VAT1L: variants seen among roughly 807,000 people sequenced by gnomAD.
VAT1L encodes the protein putative NADPH-dependent quinone oxidoreductase VAT1L.
A neutral mutation model predicts 44.1 loss-of-function variants in VAT1L; 34 were observed. The observed-to-expected ratio is 0.77, with a 90% confidence interval of 0.59 to 1.03. The LOEUF is 1.03. VAT1L is among the 50% of genes least tolerant of loss of function. VAT1L has a pLI of 0.00. For synonymous variants in VAT1L, 253 were observed against 202.2 expected, an observed-to-expected ratio of 1.25 and a Z score of -2.13; for missense variants, 615 against 538.8, an observed-to-expected ratio of 1.14 and a Z score of -1.40.
chr16:77,935,083 C>T (rs1028740992), intron 7 of VAT1L, among the ~76,000 whole-genome samples: 5 of 152,152 alleles, frequency 3.3e-5, no homozygotes, highest in Non-Finnish European at 7.3e-5. Context: ...TCTTTTACAT[C>T]TGACCCACAA....
At chr16:77,932,352 G>A (rs1029228869) in intron 7 of VAT1L, among the ~76,000 whole-genome samples, 14 of 151,896 alleles carry the variant, frequency 9.2e-5, no homozygotes, top group South Asian at 2.1e-4. Flanking sequence ...TGATCCTCCC[G>A]CCTTGGCCTC....
At chr16:77,842,038 C>T (rs943532262) in intron 3 of VAT1L, among the ~76,000 whole-genome samples, 14 of 152,148 alleles carry the variant, frequency 9.2e-5, no homozygotes, top group African/African-American at 3.1e-4. Flanking sequence ...CAGGCACCCG[C>T]CACCACGCCT....
chr16:77,977,683 C>G lies in VAT1L; in HGVS notation c.1248C>G (p.Pro416=), dbSNP rs775009844. Residue 416 remains proline, a synonymous_variant, in exon 9 of 9, where the codon CCC becomes CCG. Coordinates refer to ENST00000302536, the MANE Select transcript of VAT1L (RefSeq NM_020927.3). The part of the protein sequence containing the change: ...EGDSENKERM[P]FIQ ...ACAGCGAGAACAAGGAGCGGATGCC[C>G]TTTATCCAGTAACTGAGGACCCAGG... The G allele has an allele frequency of 6.2e-7, 1 of 1,613,858 alleles. No homozygotes were observed. The highest frequency in any genetic ancestry group is 8.5e-7 in the Non-Finnish European group (1 of 1,179,902).
chr16:77,938,233 A>C (rs2017827866), intron 7 of VAT1L, among the ~76,000 whole-genome samples: 1 of 152,186 alleles, frequency 6.6e-6, no homozygotes, highest in African/African-American at 2.4e-5. Flanking sequence ...CACTCTTCTA[A>C]ATGTGTCTTA....
At chr16:77,909,063 T>A (rs1052631002) in intron 7 of VAT1L, among the ~76,000 whole-genome samples, 3 of 152,196 alleles carry the variant, frequency 2.0e-5, no homozygotes, top group African/African-American at 7.2e-5. Context: ...ATTGACCATG[T>A]ACTGGACACT....
At chr16:77,871,068 A>G (rs544157077) in intron 4 of VAT1L, among the ~76,000 whole-genome samples, 5 of 152,254 alleles carry the variant, frequency 3.3e-5, no homozygotes, top group East Asian at 1.9e-4. Context: ...GCACTTTTCA[A>G]TTTTGAAATT....
chr16:77,845,191 TC>T (rs1314874023), intron 3 of VAT1L, among the ~76,000 whole-genome samples: 1 of 151,726 alleles, frequency 6.6e-6, no homozygotes, highest in Non-Finnish European at 1.5e-5. Flanking sequence ...GCGCTGACAG[TC>T]CCCATTCACA....
At chr16:77,834,174 T>C (rs2016614010) in intron 3 of VAT1L, among the ~76,000 whole-genome samples, 1 of 152,192 alleles carries the variant, frequency 6.6e-6, no homozygotes, top group Admixed American at 6.5e-5. Context: ...CGGCTCTCAT[T>C]ATCTAGGCCC....
At position 77,829,911 on chromosome 16, in the gene VAT1L, G is replaced by A. The variant is rs562661935; in HGVS notation, c.579+4450G>A. Among the ~76,000 whole-genome samples the A allele has an allele frequency of 6.6e-5, 10 of 152,286 alleles. No homozygotes were observed. In the South Asian group the frequency reaches 2.1e-3, roughly 32 times the overall value. On this transcript the variant is annotated intron_variant, in intron 3 of 8. Transcript: ENST00000302536. Reference sequence around the variant, plus strand: ...ATCTGAGCAGAGATTACTATAGGCAGTAAGCAAGCATCATTCCCATTTTAC... The same window carrying A: ...ATCTGAGCAGAGATTACTATAGGCAATAAGCAAGCATCATTCCCATTTTAC...
At chr16:77,813,608 T>C (rs1469094091) in intron 1 of VAT1L, among the ~76,000 whole-genome samples, 1 of 152,234 alleles carries the variant, frequency 6.6e-6, no homozygotes, top group Non-Finnish European at 1.5e-5. Flanking sequence ...TTGCTGTTCG[T>C]GTTTTTTCTT....
intron 2 of VAT1L, among the ~76,000 whole-genome samples, chr16:77,824,907 C>T (rs1268294691): frequency 7.9e-6 from 1 of 125,920 alleles, no homozygotes; most frequent in South Asian, 2.6e-4. Flanking sequence ...TGCTTTGTTG[C>T]CCAGGCTGGA....
At chr16:77,824,113 G>A (rs2016491305) in intron 2 of VAT1L, among the ~76,000 whole-genome samples, 1 of 152,208 alleles carries the variant, frequency 6.6e-6, no homozygotes. Flanking sequence ...TTGGCTATGG[G>A]GACTACATTT....
intron 7 of VAT1L, among the ~76,000 whole-genome samples, chr16:77,898,580 G>T (rs1005804233): frequency 1.1e-4 from 16 of 150,586 alleles, no homozygotes; most frequent in Non-Finnish European, 1.0e-4. Context: ...TCCTCTGTGG[G>T]GTTGCTGTGA....
intron 7 of VAT1L, among the ~76,000 whole-genome samples, chr16:77,949,515 T>C (rs995593641): frequency 6.6e-6 from 1 of 152,206 alleles, no homozygotes; most frequent in East Asian, 1.9e-4. Flanking sequence ...GTTTGGGTCA[T>C]AGGAGTGGAT....
intron 7 of VAT1L, among the ~76,000 whole-genome samples, chr16:77,899,246 C>T (rs2017356091): frequency 1.3e-5 from 2 of 152,208 alleles, no homozygotes; most frequent in African/African-American, 4.8e-5. Flanking sequence ...ACTCAACTCT[C>T]AGACTGGCTC....
intron 7 of VAT1L, among the ~76,000 whole-genome samples, chr16:77,886,608 G>A (rs1023422989): frequency 3.3e-5 from 5 of 152,186 alleles, no homozygotes; most frequent in East Asian, 1.9e-4. Flanking sequence ...CTGGGCAAAT[G>A]CTGGAGCTAC....
chr16:77,973,105 TGTA>T (rs2142546424), intron 8 of VAT1L, among the ~76,000 whole-genome samples: 1 of 152,248 alleles, frequency 6.6e-6, no homozygotes, highest in East Asian at 1.9e-4. Context: ...GGAGGAACTA[TGTA>T]GTGGTGTGGT....
At chr16:77,845,345 T>G (rs2016747888) in intron 3 of VAT1L, among the ~76,000 whole-genome samples, 1 of 152,118 alleles carries the variant, frequency 6.6e-6, no homozygotes, top group Non-Finnish European at 1.5e-5. Flanking sequence ...AGTATGTTCC[T>G]GAGTGTGCTC....
intron 8 of VAT1L, among the ~76,000 whole-genome samples, chr16:77,977,061 G>A (rs754474160): frequency 6.6e-6 from 1 of 152,120 alleles, no homozygotes; most frequent in Non-Finnish European, 1.5e-5. Flanking sequence ...CGCTCCAGGG[G>A]CACCTCTTGT....
Sources: gnomAD v4.1 joint callset for allele counts (sites outside exome capture counted in the v4.1 genomes callset) on GRCh38, gnomAD v4.1.1 for gene constraint, MANE v1.5 for transcripts, NCBI Gene and HGNC (gene_info 2026-07-23, HGNC 2026-07-21) for gene names.